The following UBFD1 variants were observed in gnomAD, a reference collection of about 807,000 sequenced individuals.
UBFD1 encodes the protein ubiquitin domain-containing protein UBFD1.
A neutral mutation model predicts 35.1 loss-of-function variants in UBFD1; 12 were observed. That is an observed-to-expected ratio of 0.34 (90% CI 0.22 to 0.55). UBFD1 has a LOEUF of 0.55. Among genes scored for constraint, UBFD1 ranks in the 20% least tolerant of loss-of-function variants. The pLI is 0.89. For missense variants in UBFD1, 337 were observed against 410.8 expected, an observed-to-expected ratio of 0.82 and a Z score of 1.55; for synonymous variants, 178 against 167.6, an observed-to-expected ratio of 1.06 and a Z score of -0.48.
chr16:23,561,134 T>C (rs1344908455), intron 3 of UBFD1, among the ~76,000 whole-genome samples: 1 of 152,230 alleles, frequency 6.6e-6, no homozygotes, highest in East Asian at 1.9e-4. Flanking sequence ...AGGCCAATTA[T>C]GATGCATCAC....
chr16:23,557,826 G>A (rs188568660), intron 1 of UBFD1, 59 bp downstream of exon 1: 6 of 1,279,178 alleles, frequency 4.7e-6, no homozygotes, highest in Non-Finnish European at 5.9e-6. Flanking sequence ...TCGCTCCTCT[G>A]GGGGATGCGG....
At position 23,573,943 on chromosome 16, in the gene UBFD1, T is replaced by C. The variant is rs1157193183; in HGVS notation, c.*3353T>C. On this transcript the variant is annotated 3_prime_UTR_variant, in exon 7 of 7. Transcript: ENST00000395878. ...CGCTCCTTGCCTCTGTTCACACCTG[T>C]TGTCTTGGAAGAGGATGGTCCCTTT... 2.0e-5 allele frequency: 3 copies of C among 152,276 alleles called. No individual in the cohort carries two copies. The highest frequency in any genetic ancestry group is 7.2e-5 in the African/African-American group (3 of 41,440). 9.4% of individuals were successfully genotyped at this position (152,276 alleles called of 1,614,324 possible).
At chr16:23,558,337 C>T in intron 2 of UBFD1, 58 bp downstream of exon 2, 3 of 1,581,048 alleles carry the variant, frequency 1.9e-6, no homozygotes, top group Non-Finnish European at 2.6e-6. Flanking sequence ...ATGGCCCTTG[C>T]ACCCTACTAG....
chr16:23,570,454 G>A (rs373835188), intron 6 of UBFD1, 26 bp from the exon 7 acceptor site: 94 of 1,584,602 alleles, frequency 5.9e-5, no homozygotes, highest in Non-Finnish European at 7.1e-5. Context: ...CTGAAGTACC[G>A]CTTGGTTTTC....
intron 6 of UBFD1, chr16:23,569,219 CTG>C (rs1800211302): frequency 6.6e-6 from 1 of 152,140 alleles, no homozygotes; most frequent in Non-Finnish European, 1.5e-5. Context: ...AGTTGGAAAA[CTG>C]TGGCTGTGCT....
At chr16:23,557,813 C>A (rs770139354) in intron 1 of UBFD1, 46 bp downstream of exon 1, 4 of 1,273,798 alleles carry the variant, frequency 3.1e-6, no homozygotes, top group East Asian at 6.3e-5. Context: ...GCTGAGGTTG[C>A]GGTCGCTCCT....
At chr16:23,566,796 C>T in intron 5 of UBFD1, 191 bp from the exon 6 acceptor site, 1 of 545,208 alleles carries the variant, frequency 1.8e-6, no homozygotes, top group Non-Finnish European at 3.3e-6. Context: ...CTACGGAGTT[C>T]CCAGCTCCCA....
intron 6 of UBFD1, 115 bp downstream of exon 6, chr16:23,567,184 C>CTTT: frequency 2.2e-6 from 2 of 911,080 alleles, no homozygotes; most frequent in Non-Finnish European, 3.4e-6. Context: ...AGAAGATGCA[C>CTTT]TTTTTTAAGA....
At position 23,572,260 on chromosome 16, in the gene UBFD1, G is replaced by A. The variant is rs528297183; in HGVS notation, c.*1670G>A. On this transcript the variant is annotated 3_prime_UTR_variant, in exon 7 of 7. Transcript: ENST00000395878. The stretch of plus-strand genomic sequence containing the variant: ...GGGGCAATTAGTACATTTGTGAAGT[G>A]CAGCATCCAAGAAACAGCCTGTTTT... The A allele has an allele frequency of 1.3e-5, 2 of 152,656 alleles. No homozygotes were observed. The highest frequency in any genetic ancestry group is 6.5e-5 in the Admixed American group (1 of 15,304). 9.5% of individuals were successfully genotyped at this position (152,656 alleles called of 1,614,324 possible). A position where few individuals can be genotyped will look rare whatever the true frequency, so the allele number is the denominator to read the frequency against.
In UBFD1 at chr16:23,557,747, C is replaced by A; in HGVS notation, c.5C>A (p.Ala2Glu). 2 of 1,313,120 alleles carry A rather than the reference C, an allele frequency of 1.5e-6. No homozygotes were observed. Among genetic ancestry groups the A allele is most frequent in the Non-Finnish European group, 1.9e-6 (2 of 1,030,156 alleles). The allele number at this position is 1,313,120 out of a possible 1,614,324, so 81.3% of individuals were successfully genotyped here. ...TGGGTGTTGTACACAATCATCATGG[C>A]GGCGGCCGGGGCCCCGGATGGTGAG... The part of the protein sequence containing the change: M[A>E]AAGAPDGMEE... Residue 2 changes from alanine (A) to glutamate (E), a missense_variant, in exon 1 of 7, where the codon GCG becomes GAG. Coordinates refer to ENST00000395878, the MANE Select transcript of UBFD1 (RefSeq NM_019116.3).
rs2039195496 is a variant in UBFD1, at chr16:23,571,297, G to GCCTTGCC, written c.*708_*709insCTTGCCC. ...GAGAGGAAGAGCTGCTCAGTCTTGG[G>GCCTTGCC]CAAGGAGCTCTCACACTTGCTGTGG... On this transcript the variant is annotated 3_prime_UTR_variant, in exon 7 of 7. Coordinates refer to ENST00000395878, the MANE Select transcript of UBFD1 (RefSeq NM_019116.3). The GCCTTGCC allele has an allele frequency of 3.3e-5, 5 of 152,700 alleles. No individual in the cohort carries two copies. The highest frequency in any genetic ancestry group is 3.3e-4 in the Admixed American group (5 of 15,278). 9.5% of individuals were successfully genotyped at this position (152,700 alleles called of 1,614,324 possible). A position where few individuals can be genotyped will look rare whatever the true frequency, so the allele number is the denominator to read the frequency against.
rs926871144 is a variant in UBFD1, at chr16:23,570,791, C to T, written c.*201C>T. The stretch of plus-strand genomic sequence containing the variant: ...ATTTTAACTTAAAATTACCAGTTCC[C>T]TTTCTTGCAGTCAGCTTCATACCAT... On this transcript the variant is annotated 3_prime_UTR_variant, in exon 7 of 7. Coordinates refer to ENST00000395878, the MANE Select transcript of UBFD1 (RefSeq NM_019116.3). 1 of 471,426 alleles carries T rather than the reference C, an allele frequency of 2.1e-6. No homozygotes were observed. Among genetic ancestry groups the T allele is most frequent in the African/African-American group, 2.0e-5 (1 of 50,464 alleles). The allele number at this position is 471,426 out of a possible 1,614,324, so 29.2% of individuals were successfully genotyped here. A position where few individuals can be genotyped will look rare whatever the true frequency, so the allele number is the denominator to read the frequency against.
rs1305840479 is a variant in UBFD1 at position 23,562,618 on chromosome 16, C to T, written c.631-7C>T. 1.2e-6 allele frequency: 2 copies of T among 1,613,062 alleles called. No homozygotes were observed. The highest frequency in any genetic ancestry group is 1.7e-6 in the Non-Finnish European group (2 of 1,179,542). On this transcript the variant is annotated splice_polypyrimidine_tract_variant and splice_region_variant and intron_variant, in intron 4 of 6. Coordinates refer to ENST00000395878, the MANE Select transcript of UBFD1 (RefSeq NM_019116.3). ...CTCCATCTCTTACCATTCTCTCGTG[C>T]CTTCAGGAGCGCCTGCCAACGGTAC...
At chr16:23,558,445 A>G (rs1259343390) in intron 2 of UBFD1, among the ~76,000 whole-genome samples, 166 bp downstream of exon 2, 3 of 152,110 alleles carry the variant, frequency 2.0e-5, no homozygotes, top group South Asian at 2.1e-4. Flanking sequence ...AAAGAGACTC[A>G]AGTTTATAGA....
chr16:23,559,428 C>T (rs759351568), intron 2 of UBFD1, 40 bp from the exon 3 acceptor site: 36 of 1,572,788 alleles, frequency 2.3e-5, no homozygotes, highest in South Asian at 2.3e-5. Flanking sequence ...TTTTTCTGTC[C>T]TTCCTTCCTT....
Position 23,571,193 on chromosome 16 carries a change from C to T in UBFD1, c.*603C>T, listed in dbSNP as rs1342984350. The T allele has an allele frequency of 2.6e-5, 4 of 152,634 alleles. No individual in the cohort carries two copies. The highest frequency in any genetic ancestry group is 9.7e-5 in the African/African-American group (4 of 41,436). 9.5% of individuals were successfully genotyped at this position (152,634 alleles called of 1,614,324 possible). ...TTTTAAGAACCCAAAGATGTCAGTT[C>T]TTCTTTTGGTACCTCATCAACGCTT... On this transcript the variant is annotated 3_prime_UTR_variant, in exon 7 of 7. Coordinates refer to ENST00000395878, the MANE Select transcript of UBFD1 (RefSeq NM_019116.3).
At chr16:23,567,577 AC>A (rs2142220087) in intron 6 of UBFD1, among the ~76,000 whole-genome samples, 1 of 152,242 alleles carries the variant, frequency 6.6e-6, no homozygotes, top group East Asian at 1.9e-4. Flanking sequence ...TCTGCATAGA[AC>A]CCACTCTGCA....
At chr16:23,568,516 A>AT (rs971413216) in intron 6 of UBFD1, among the ~76,000 whole-genome samples, 6 of 149,606 alleles carry the variant, frequency 4.0e-5, no homozygotes, top group African/African-American at 1.2e-4. Context: ...CTGGTCAGTT[A>AT]TTTTTTTCTG....
At chr16:23,561,364 GTTCCAGCC>G (rs1328692682) in intron 3 of UBFD1, among the ~76,000 whole-genome samples, 1 of 152,170 alleles carries the variant, frequency 6.6e-6, no homozygotes, top group African/African-American at 2.4e-5. Context: ...TTGTCCCCTA[GTTCCAGCC>G]TTCCAAGCAG....
Sources: allele counts gnomAD v4.1 joint callset (sites outside exome capture counted in the v4.1 genomes callset), GRCh38; gene constraint gnomAD v4.1.1; transcripts MANE v1.5; gene names NCBI Gene and HGNC (gene_info 2026-07-23, HGNC 2026-07-21).